Variants in RTN2 observed in about 807,000 individuals in gnomAD.
RTN2 encodes reticulon-2.
RTN2 carries 36 observed loss-of-function variants against 63.7 expected under a neutral mutation model. That is an observed-to-expected ratio of 0.56 (90% CI 0.43 to 0.75). The LOEUF is 0.75. RTN2 is among the 30% of genes least tolerant of loss of function. The probability of loss-of-function intolerance (pLI) is 0.00; values close to 1 mark genes in which losing one functional copy is unlikely to be tolerated. For synonymous variants in RTN2, 312 were observed against 313.0 expected (o/e 1.00, Z 0.03); for missense variants, 673 against 705.1 (o/e 0.95, Z 0.52).
Position 45,489,412 on chromosome 19 carries a change from A to G in RTN2, c.1175T>C (p.Ile392Thr), listed in dbSNP as rs575595947. Residue 392 changes from isoleucine (I) to threonine (T), a missense_variant, in exon 6 of 11, where the codon ATC (isoleucine) becomes ACC (threonine). Ile to Thr is a moderately conservative substitution (Grantham distance 89). Coordinates refer to ENST00000245923, the MANE Select transcript of RTN2 (RefSeq NM_005619.5). ...CACTTTGCGGTAAACCCTGAGAGAGATGGTGCCGCAGAGCAGCAACAGAGC... is the reference window on the plus strand; with the variant it reads ...CACTTTGCGGTAAACCCTGAGAGAGGTGGTGCCGCAGAGCAGCAACAGAGC... Reference protein sequence around the residue: ...HLALLLLCGTISLRVYRKVLQ... With the variant: ...HLALLLLCGTTSLRVYRKVLQ... 3 of 1,605,040 alleles carry G rather than the reference A, an allele frequency of 1.9e-6. No individual in the cohort carries two copies. Among genetic ancestry groups the G allele is most frequent in the East Asian group, 4.5e-5 (2 of 44,460 alleles).
Position 45,487,032 on chromosome 19 carries a change from C to CTTTTTTTTTTTTTTTTTTT in RTN2, c.1498-938_1498-920dup, listed in dbSNP as rs34799041. On this transcript the variant is annotated intron_variant, in intron 9 of 10. Transcript: ENST00000245923. Reference sequence around the variant, plus strand: ...ACAAGCGTGAGCCACCATGCCCAGCCTTTTTTTTTTTTTTTTTTTTTTTTT... The same window carrying CTTTTTTTTTTTTTTTTTTT: ...ACAAGCGTGAGCCACCATGCCCAGCCTTTTTTTTTTTTTTTTTTTTTTTTTTTTTTTTTTTTTTTTTTTT... Among the ~76,000 whole-genome samples the CTTTTTTTTTTTTTTTTTTT allele has an allele frequency of 5.1e-5, 2 of 39,178 alleles. 1 individual carries two copies. The highest frequency in any genetic ancestry group is 9.2e-5 in the Non-Finnish European group (2 of 21,684). The allele number at this position is 39,178 out of a possible 152,430, so 25.7% of individuals were successfully genotyped here.
chr19:45,489,608 C>T, intron 5 of RTN2, 55 bp from the exon 6 acceptor site: 4 of 1,258,200 alleles, frequency 3.2e-6, no homozygotes, highest in Non-Finnish European at 4.5e-6. Flanking sequence ...GGTCTCCTCA[C>T]CTCCCTTTCC....
chr19:45,487,583 G>GTTTTTTTTT (rs4031036), intron 9 of RTN2, among the ~76,000 whole-genome samples: 3 of 105,754 alleles, frequency 2.8e-5, no homozygotes, highest in African/African-American at 1.1e-4. Context: ...TTATTTTTTG[G>GTTTTTTTTT]TTTTTTTTTT....
At position 45,485,531 on chromosome 19, in the gene RTN2, A is replaced by C; in HGVS notation, c.*177T>G. The C allele has an allele frequency of 3.4e-6, 2 of 593,296 alleles. No individual in the cohort carries two copies. The allele number at this position is 593,296 out of a possible 1,614,324, so 36.8% of individuals were successfully genotyped here. A position where few individuals can be genotyped will look rare whatever the true frequency, so the allele number is the denominator to read the frequency against. ...ACTCCTGGAGCAGAGCCTCTTGGGA[A>C]ATGTAGTCCTGGTCGCTCAGGTAAT... On this transcript the variant is annotated 3_prime_UTR_variant, in exon 11 of 11. Transcript: ENST00000245923.
chr19:45,494,044 C>A lies in RTN2; in HGVS notation c.814+122G>T. On this transcript the variant is annotated intron_variant, in intron 4 of 10. Transcript: ENST00000245923. The surrounding 1 kb of genome is among the most constrained non-coding windows in gnomAD (Gnocchi z 5.3). ...TCACGTCTAGCCAGATGTGATATCA[C>A]GTCTATCTCTTCCCTTTTCCACTAT... 7 of 1,416,632 alleles carry A rather than the reference C, an allele frequency of 4.9e-6. No homozygotes were observed. Among genetic ancestry groups the A allele is most frequent in the South Asian group, 1.3e-5 (1 of 74,786 alleles). 87.8% of individuals were successfully genotyped at this position (1,416,632 alleles called of 1,614,324 possible). A position where few individuals can be genotyped will look rare whatever the true frequency, so the allele number is the denominator to read the frequency against.
Position 45,489,458 on chromosome 19 carries a change from C to T in RTN2, c.1129G>A (p.Val377Met), listed in dbSNP as rs146778767. 1.9e-5 allele frequency: 30 copies of T among 1,612,636 alleles called. No individual in the cohort carries two copies. Among genetic ancestry groups the T allele is most frequent in the Admixed American group, 5.0e-5 (3 of 59,848 alleles). ...SLLCLLHFSIVSVAAHLALLL... is the reference protein window; with the variant it reads ...SLLCLLHFSIMSVAAHLALLL... ...AGAGCCAAGTGCGCGGCCACGGACA[C>T]GATGCTAAAGTGCAGGAGGCAGAGG... The change falls in exon 6 of 11, where the codon GTG becomes ATG. Residue 377 changes from valine (V) to methionine (M), a missense_variant. Transcript: ENST00000245923.
intron 5 of RTN2, among the ~76,000 whole-genome samples, chr19:45,491,692 C>T (rs918425247): frequency 2.0e-5 from 3 of 151,952 alleles, no homozygotes; most frequent in Admixed American, 6.6e-5. Context: ...TCACCATGCC[C>T]GGCTAATTTT....
intron 5 of RTN2, 136 bp downstream of exon 5, chr19:45,493,024 G>A: frequency 1.1e-6 from 1 of 913,044 alleles, no homozygotes; most frequent in Non-Finnish European, 1.8e-6. Context: ...ACTGCCCCTC[G>A]GCCCCCTAGC....
At position 45,489,474 on chromosome 19, in the gene RTN2, G is replaced by C. The variant is rs1363492964; in HGVS notation, c.1113C>G (p.Leu371=). ...CCACGGACACGATGCTAAAGTGCAG[G>C]AGGCAGAGGAGGGAGACCATCAGGC... ...FTGLMVSLLC[L]LHFSIVSVAA... The change falls in exon 6 of 11, where the codon CTC becomes CTG. Residue 371 remains leucine (L), a synonymous_variant. Coordinates refer to ENST00000245923, the MANE Select transcript of RTN2 (RefSeq NM_005619.5). The C allele has an allele frequency of 3.7e-6, 6 of 1,613,008 alleles. No homozygotes were observed. Among genetic ancestry groups the C allele is most frequent in the Non-Finnish European group, 5.1e-6 (6 of 1,179,588 alleles).
intron 9 of RTN2, among the ~76,000 whole-genome samples, chr19:45,487,582 G>GTTTTTTTTTTTTTTTTTTTT (rs1968051695): frequency 8.2e-6 from 1 of 121,264 alleles, no homozygotes; most frequent in Non-Finnish European, 1.7e-5. Context: ...TTTATTTTTT[G>GTTTTTTTTTTTTTTTTTTTT]GTTTTTTTTT....
rs1173300849 is a variant in RTN2 at position 45,494,462 on chromosome 19, A to C, written c.560-42T>G. The C allele has an allele frequency of 1.9e-6, 3 of 1,602,478 alleles. No homozygotes were observed. In the East Asian group the frequency reaches 6.7e-5, roughly 36 times the overall value. On this transcript the variant is annotated intron_variant, in intron 3 of 10. Transcript: ENST00000245923. The surrounding 1 kb of genome is among the most constrained non-coding windows in gnomAD (Gnocchi z 5.3). ...AGGAGGCCGTGAGCTTTCTTCTTGG[A>C]GGTGCCCCAAGGAGAAACCACCCAC...
chr19:45,496,522 C>CGGGCG (rs1968272691), intron 1 of RTN2: 1 of 344,598 alleles, frequency 2.9e-6, no homozygotes, highest in African/African-American at 2.1e-5. Flanking sequence ...TCCTCGCTCC[C>CGGGCG]GGGCGGGGCC....
Position 45,494,728 on chromosome 19 carries a change from C to T in RTN2, c.357G>A (p.Pro119=), listed in dbSNP as rs150654638. ...LESIPSLSQS[P]EPGRRGDPDT... ...CAGGATCACCCCGTCGTCCAGGCTC[C>T]GGGGATTGGCTCAGGCTGGGGATGC... The change falls in exon 3 of 11, where the codon CCG becomes CCA. Residue 119 remains proline (P), a synonymous_variant. Coordinates refer to ENST00000245923, the MANE Select transcript of RTN2 (RefSeq NM_005619.5). This position sits in a 1 kb window ranked among gnomAD's most constrained non-coding sequence, Gnocchi z 5.3. 3.7e-6 allele frequency: 6 copies of T among 1,612,210 alleles called. No homozygotes were observed. The highest frequency in any genetic ancestry group is 5.1e-6 in the Non-Finnish European group (6 of 1,179,966).
intron 10 of RTN2, 35 bp from the exon 11 acceptor site, chr19:45,485,824 C>A (rs957578510): frequency 1.3e-6 from 2 of 1,539,112 alleles, no homozygotes; most frequent in Non-Finnish European, 1.8e-6. Flanking sequence ...CGAGGTGGGG[C>A]AAGAGACGCG....
Position 45,494,656 on chromosome 19 carries a change from C to T in RTN2, c.429G>A (p.Arg143=). The T allele has an allele frequency of 6.2e-7, 1 of 1,613,902 alleles. No individual in the cohort carries two copies. The highest frequency in any genetic ancestry group is 8.5e-7 in the Non-Finnish European group (1 of 1,180,036). ...SERPLEDLRL[R]LDHLGWVARG... ...GGGCCACCCAGCCCAGATGGTCCAA[C>T]CGAAGCCTCAGGTCTTCCAGAGGGC... is the stretch of plus-strand genomic sequence containing the variant. Residue 143 remains arginine, a synonymous_variant, in exon 3 of 11, where the codon CGG becomes CGA. Transcript: ENST00000245923. The surrounding 1 kb of genome is among the most constrained non-coding windows in gnomAD (Gnocchi z 5.3).
Position 45,492,575 on chromosome 19 carries a change from T to C in RTN2, c.1033+585A>G, listed in dbSNP as rs77300682. 6.1e-4 allele frequency among the ~76,000 whole-genome samples: 93 copies of C among 152,274 alleles called. No homozygotes were observed. The East Asian group carries it at 0.017, about 28-fold the overall frequency. On this transcript the variant is annotated intron_variant, in intron 5 of 10. Coordinates refer to ENST00000245923, the MANE Select transcript of RTN2 (RefSeq NM_005619.5). ...AGAAACTTTAGTAATCTGCTTTCCTTTGAGTCCTGAAAACCAGGAACTCAG... is the reference window on the plus strand; with the variant it reads ...AGAAACTTTAGTAATCTGCTTTCCTCTGAGTCCTGAAAACCAGGAACTCAG...
At position 45,494,532 on chromosome 19, in the gene RTN2, C is replaced by T; in HGVS notation, c.553G>A (p.Gly185Arg). Residue 185 changes from glycine (G) to arginine (R), a missense_variant, in exon 3 of 11, where the codon GGG becomes AGG. Coordinates refer to ENST00000245923, the MANE Select transcript of RTN2 (RefSeq NM_005619.5). This position sits in a 1 kb window ranked among gnomAD's most constrained non-coding sequence, Gnocchi z 5.3. ...AGCACCTCGGACATCTCACCTTCCC[C>T]AGCTTCTCCTGTCTCCAATCTGTTG... ...EPNRLETGEA[G>R]EELDLRLRLA... is the part of the protein sequence containing the mutation. 1 of 1,612,816 alleles carries T rather than the reference C, an allele frequency of 6.2e-7. No homozygotes were observed. Among genetic ancestry groups the T allele is most frequent in the Non-Finnish European group, 8.5e-7 (1 of 1,178,952 alleles).
Position 45,489,366 on chromosome 19 carries a change from C to A in RTN2, c.1221G>T (p.Gly407=). ...YRKVLQAVHR[G]DGANPFQAYL... ...CTCACTGGAAAGGGTTGGCTCCATC[C>A]CCCCGGTGCACGGCCTGCAGCACTT... The change falls in exon 6 of 11, where the codon GGG becomes GGT. Residue 407 remains glycine (G), a synonymous_variant. Coordinates refer to ENST00000245923, the MANE Select transcript of RTN2 (RefSeq NM_005619.5). The A allele has an allele frequency of 6.4e-7, 1 of 1,571,216 alleles. No homozygotes were observed. Among genetic ancestry groups the A allele is most frequent in the Non-Finnish European group, 8.6e-7 (1 of 1,158,708 alleles).
At chr19:45,495,209 T>C (rs1968247830) in intron 1 of RTN2, 70 bp from the exon 2 acceptor site, 5 of 1,559,048 alleles carry the variant, frequency 3.2e-6, no homozygotes, top group Non-Finnish European at 8.8e-7. Context: ...GTCCCAGTCC[T>C]GGAATCTTAG....
Sources: allele counts gnomAD v4.1 joint callset (sites outside exome capture counted in the v4.1 genomes callset), GRCh38; gene constraint gnomAD v4.1.1; non-coding constraint Gnocchi (gnomAD v3.1); transcripts MANE v1.5; gene names NCBI Gene and HGNC (gene_info 2026-07-23, HGNC 2026-07-21).